The following SMARCB1 variants were observed in gnomAD, a reference collection of about 807,000 sequenced individuals.
SMARCB1 encodes the protein SWI/SNF related BAF chromatin remodeling complex subunit B1.
Under a neutral mutation model 49.0 loss-of-function variants are expected in SMARCB1, and 5 were observed. The observed-to-expected ratio is 0.10, with a 90% confidence interval of 0.05 to 0.21. SMARCB1 has a LOEUF of 0.21. Ranked by LOEUF, SMARCB1 falls within the 10% of genes least tolerant of loss-of-function variation. SMARCB1 has a pLI of 1.00. For missense variants in SMARCB1, 226 were observed against 509.2 expected (o/e 0.44, Z 5.35); for synonymous variants, 201 against 200.1 (o/e 1.00, Z -0.04).
chr22:23,807,211 C>G (rs1048556885), intron 5 of SMARCB1, among the ~76,000 whole-genome samples: 1 of 152,184 alleles, frequency 6.6e-6, no homozygotes. Context: ...TCTTGGCACA[C>G]AGGCAAAGGA....
chr22:23,794,847 GAGGTTGCACCT>G (rs1291766172), intron 3 of SMARCB1, among the ~76,000 whole-genome samples: 2 of 152,132 alleles, frequency 1.3e-5, no homozygotes. Context: ...GCAGTGAGCT[GAGGTTGCACCT>G]TTGCACTCCA....
At chr22:23,832,036 CCA>C (rs1203269954) in intron 7 of SMARCB1, among the ~76,000 whole-genome samples, 5 of 152,224 alleles carry the variant, frequency 3.3e-5, no homozygotes, top group African/African-American at 1.2e-4. Context: ...GCAGGGAGAG[CCA>C]GCTGCAGCCA....
chr22:23,793,535 C>G (rs201197123), intron 2 of SMARCB1, 24 bp from the exon 3 acceptor site: 3 of 1,613,896 alleles, frequency 1.9e-6, no homozygotes, highest in Admixed American at 3.3e-5. Flanking sequence ...AGCAGAGTGA[C>G]CCAGTGATGT....
intron 3 of SMARCB1, among the ~76,000 whole-genome samples, chr22:23,799,096 G>C (rs1327167711): frequency 6.6e-6 from 1 of 151,448 alleles, no homozygotes; most frequent in Non-Finnish European, 1.5e-5. Flanking sequence ...CTGAATGGTT[G>C]AATAGTTATT....
At chr22:23,805,693 C>T (rs562505747) in intron 5 of SMARCB1, among the ~76,000 whole-genome samples, 13 of 152,236 alleles carry the variant, frequency 8.5e-5, no homozygotes, top group South Asian at 6.2e-4. Context: ...TTAGTGGAGA[C>T]GGGATTTCAC....
At chr22:23,819,025 T>C (rs2029932889) in intron 6 of SMARCB1, among the ~76,000 whole-genome samples, 1 of 151,744 alleles carries the variant, frequency 6.6e-6, no homozygotes, top group Non-Finnish European at 1.5e-5. Flanking sequence ...ATTTTTTGTA[T>C]TTTTTTTGTA....
intron 6 of SMARCB1, 152 bp downstream of exon 6, chr22:23,817,088 A>G (rs1452804591): frequency 1.3e-5 from 9 of 676,554 alleles, no homozygotes; most frequent in South Asian, 6.5e-5. Flanking sequence ...TGCTCCCTGC[A>G]ATCCCCCAGG....
At chr22:23,787,301 C>T (rs1370137436) in intron 1 of SMARCB1, 39 bp downstream of exon 1, 3 of 1,294,878 alleles carry the variant, frequency 2.3e-6, no homozygotes, top group Non-Finnish European at 3.3e-6. Flanking sequence ...CGGGCTCGGC[C>T]CCGCGGGAGC....
chr22:23,834,585 T>TG lies in SMARCB1; in HGVS notation c.*411dup. On this transcript the variant is annotated 3_prime_UTR_variant, in exon 9 of 9. Coordinates refer to ENST00000644036, the MANE Select transcript of SMARCB1 (RefSeq NM_003073.5). ...GAGAGCCAGGAGTGGGGCCGGGGCC[T>TG]GGGGGGACGAAGGTGGTATGTGAAC... The TG allele has an allele frequency of 1.4e-6, 1 of 707,476 alleles. No homozygotes were observed. Among genetic ancestry groups the TG allele is most frequent in the Non-Finnish European group, 2.5e-6 (1 of 394,096 alleles). 43.8% of individuals were successfully genotyped at this position (707,476 alleles called of 1,614,324 possible).
chr22:23,821,008 C>A (rs538441783), intron 6 of SMARCB1, among the ~76,000 whole-genome samples: 3 of 152,246 alleles, frequency 2.0e-5, no homozygotes, highest in Non-Finnish European at 4.4e-5. Context: ...GAATTGAGCC[C>A]ATTTTCATTG....
chr22:23,793,415 G>C, intron 2 of SMARCB1, 144 bp from the exon 3 acceptor site: 1 of 850,770 alleles, frequency 1.2e-6, no homozygotes, highest in African/African-American at 1.6e-5. Flanking sequence ...TTTTGGAAGA[G>C]GCCAGCATTC....
chr22:23,816,200 C>G (rs1387736206), intron 5 of SMARCB1: 1 of 172,878 alleles, frequency 5.8e-6, no homozygotes, highest in African/African-American at 2.4e-5. Flanking sequence ...ACAGATGGTC[C>G]CTGTGAGCTC....
rs1397141146 is a variant in SMARCB1, at chr22:23,833,602, C to T, written c.1017C>T (p.Ala339=). 7 of 1,614,120 alleles carry T rather than the reference C, an allele frequency of 4.3e-6. No individual in the cohort carries two copies. Among genetic ancestry groups the T allele is most frequent in the Non-Finnish European group, 5.1e-6 (6 of 1,180,058 alleles). ...SENPLPTVEI[A]IRNTGDADQW... ...ACCCTCTGCCCACAGTGGAGATTGC[C>T]ATCCGGAACACGGGCGATGCGGACC... Residue 339 remains alanine (A), a synonymous_variant, in exon 8 of 9, where the codon GCC becomes GCT. Coordinates refer to ENST00000644036, the MANE Select transcript of SMARCB1 (RefSeq NM_003073.5).
chr22:23,809,439 G>T (rs1929728904), intron 5 of SMARCB1, among the ~76,000 whole-genome samples: 2 of 151,688 alleles, frequency 1.3e-5, no homozygotes, highest in African/African-American at 2.4e-5. Flanking sequence ...ACCATACCCG[G>T]TTAATTTTTG....
chr22:23,803,175 C>G (rs983419056), intron 4 of SMARCB1, 120 bp from the exon 5 acceptor site: 1 of 1,341,682 alleles, frequency 7.5e-7, no homozygotes, highest in African/African-American at 1.4e-5. Flanking sequence ...TGTTAGCTGA[C>G]AAGCGGCCAT....
chr22:23,837,648 G>T lies in SMARCB1; in HGVS notation c.*3468G>T, dbSNP rs1271600206. On this transcript the variant is annotated 3_prime_UTR_variant, in exon 9 of 9. Transcript: ENST00000644036. ...CAGCCTGGGGCGGACTAGATGTACC[G>T]GGAGGCTCACCCAGCAGGTCCACGA... The T allele has an allele frequency of 6.2e-7, 1 of 1,610,144 alleles. No homozygotes were observed.
At chr22:23,828,017 T>C (rs2030472504) in intron 7 of SMARCB1, among the ~76,000 whole-genome samples, 1 of 152,212 alleles carries the variant, frequency 6.6e-6, no homozygotes, top group African/African-American at 2.4e-5. Context: ...GCCTGGTCTC[T>C]GCCACACAGA....
At chr22:23,813,989 C>T (rs1488240527) in intron 5 of SMARCB1, among the ~76,000 whole-genome samples, 1 of 152,014 alleles carries the variant, frequency 6.6e-6, no homozygotes, top group African/African-American at 2.4e-5. Context: ...GCCACCATGC[C>T]TGGCTAATTT....
chr22:23,824,429 G>C (rs9608200), intron 6 of SMARCB1: 18,869 of 152,682 alleles, frequency 0.12, 1,258 homozygotes, highest in South Asian at 0.27. Context: ...GCATGATGCA[G>C]AGTGAATGAA....
Sources: gnomAD v4.1 joint callset for allele counts (sites outside exome capture counted in the v4.1 genomes callset) on GRCh38, gnomAD v4.1.1 for gene constraint, MANE v1.5 for transcripts, NCBI Gene and HGNC (gene_info 2026-07-23, HGNC 2026-07-21) for gene names.